The following PCDH15 variants were observed in gnomAD, a reference collection of about 807,000 sequenced individuals.
PCDH15 encodes protocadherin related 15.
A neutral mutation model predicts 178.5 loss-of-function variants in PCDH15; 129 were observed. The observed-to-expected ratio is 0.72, with a 90% confidence interval of 0.63 to 0.84. The LOEUF (loss-of-function observed/expected upper bound fraction) is 0.84. Ranked by LOEUF, PCDH15 falls within the 40% of genes least tolerant of loss-of-function variation. The pLI is 0.00. For missense variants in PCDH15, 2,230 were observed against 2,099.9 expected (o/e 1.06, Z -1.21); for synonymous variants, 800 against 732.0 (o/e 1.09, Z -1.50).
At position 54,962,837 on chromosome 10, in the gene PCDH15, G is replaced by C. The variant is rs138001375; in HGVS notation, c.-79-65337C>G. On this transcript the variant is annotated intron_variant, in intron 2 of 5. Coordinates refer to the PCDH15 transcript ENST00000458638. ...CAAGAACAGCCTGCTGGGCCAAGTG[G>C]GTGGAATGAGCCCAGAAGGCATGAG... Among the ~76,000 whole-genome samples the C allele has an allele frequency of 2.2e-3, 336 of 152,274 alleles. 1 individual carries two copies. The highest frequency in any genetic ancestry group is 7.6e-3 in the African/African-American group (317 of 41,554).
At chr10:54,580,620 C>G (rs75362762) in intron 2 of PCDH15, among the ~76,000 whole-genome samples, 2 of 151,902 alleles carry the variant, frequency 1.3e-5, no homozygotes, top group South Asian at 4.1e-4. Flanking sequence ...ACCCTGATAC[C>G]AAAACCTGGC....
chr10:54,452,042 T>C (rs1222735629), intron 3 of PCDH15, among the ~76,000 whole-genome samples: 1 of 151,942 alleles, frequency 6.6e-6, no homozygotes, highest in Non-Finnish European at 1.5e-5. Flanking sequence ...TTATAATATA[T>C]ATTTCGTATA....
At chr10:55,400,309 T>C (rs1250516509) in intron 2 of PCDH15, among the ~76,000 whole-genome samples, 2 of 152,088 alleles carry the variant, frequency 1.3e-5, no homozygotes, top group Non-Finnish European at 2.9e-5. Flanking sequence ...AGACCAGGAA[T>C]TTCCCCTTCA....
Position 54,346,265 on chromosome 10 carries a change from G to A in PCDH15, c.594+100C>T, listed in dbSNP as rs186189086. The A allele has an allele frequency of 5.1e-5, 57 of 1,123,976 alleles. No homozygotes were observed. The African/African-American group carries it at 7.5e-4, about 15-fold the overall frequency. 69.6% of individuals were successfully genotyped at this position (1,123,976 alleles called of 1,614,324 possible). On this transcript the variant is annotated intron_variant, in intron 6 of 37. Coordinates refer to ENST00000644397, the MANE Select transcript of PCDH15 (RefSeq NM_001384140.1). ...TAAATAATAGTATCATTACTAATCT[G>A]GTTCTGGAAGTTACTGAATAATACA... is the stretch of plus-strand genomic sequence containing the variant.
At chr10:53,985,673 G>A (rs891535602) in intron 21 of PCDH15, among the ~76,000 whole-genome samples, 7 of 151,806 alleles carry the variant, frequency 4.6e-5, no homozygotes, top group African/African-American at 1.7e-4. Context: ...AAATTGTCAT[G>A]GTCATGTTTC....
intron 3 of PCDH15, among the ~76,000 whole-genome samples, chr10:54,455,401 C>T (rs530062675): frequency 2.2e-4 from 33 of 152,172 alleles, no homozygotes; most frequent in Middle Eastern, 3.4e-3. Flanking sequence ...ATGTGTTGAA[C>T]GGTTTTGACC....
intron 3 of PCDH15, among the ~76,000 whole-genome samples, chr10:54,856,294 G>A (rs1022968371): frequency 2.0e-5 from 3 of 152,080 alleles, no homozygotes; most frequent in Non-Finnish European, 4.4e-5. Context: ...GGGGCAGGAG[G>A]AACTGGGGCA....
intron 3 of PCDH15, among the ~76,000 whole-genome samples, chr10:54,848,579 T>G (rs1333622003): frequency 1.3e-5 from 2 of 152,012 alleles, no homozygotes; most frequent in African/African-American, 4.8e-5. Flanking sequence ...TGATGCCTCC[T>G]CCATCTTGGA....
intron 1 of PCDH15, among the ~76,000 whole-genome samples, chr10:55,243,222 T>G (rs758377948): frequency 1.5e-4 from 23 of 152,312 alleles, no homozygotes; most frequent in Middle Eastern, 3.4e-3. Flanking sequence ...TCCATTGAAC[T>G]CTGCACAGCT....
intron 1 of PCDH15, among the ~76,000 whole-genome samples, chr10:55,189,472 T>G (rs933220787): frequency 6.6e-6 from 1 of 151,826 alleles, no homozygotes; most frequent in African/African-American, 2.4e-5. Flanking sequence ...AATAACCTCA[T>G]GTTTTTGTGA....
rs34830502 is a variant in PCDH15, at chr10:54,848,382, CAAAAA to C, written c.-29+49063_-29+49067del. Among the ~76,000 whole-genome samples the C allele has an allele frequency of 4.5e-4, 38 of 85,164 alleles. 2 individuals carry two copies. Among genetic ancestry groups the C allele is most frequent in the East Asian group, 3.0e-3 (11 of 3,686 alleles). 55.9% of individuals were successfully genotyped at this position (85,164 alleles called of 152,430 possible). A position where few individuals can be genotyped will look rare whatever the true frequency, so the allele number is the denominator to read the frequency against. On this transcript the variant is annotated intron_variant, in intron 3 of 5. Transcript: ENST00000458638. ...GGGCAACAAGAGCAAAACTCCATCTCAAAAAAAAAAAAAAAAAAAAAGCTAATTAA... is the reference window on the plus strand; with the variant it reads ...GGGCAACAAGAGCAAAACTCCATCTCAAAAAAAAAAAAAAAAGCTAATTAA...
intron 1 of PCDH15, among the ~76,000 whole-genome samples, chr10:55,247,454 C>T (rs567779952): frequency 6.6e-6 from 1 of 152,242 alleles, no homozygotes; most frequent in African/African-American, 2.4e-5. Flanking sequence ...CTGCAAAGAA[C>T]ATTTAAGAGA....
At chr10:54,719,167 A>T (rs1228745757) in intron 1 of PCDH15, among the ~76,000 whole-genome samples, 1 of 152,108 alleles carries the variant, frequency 6.6e-6, no homozygotes. Context: ...GATATCATTA[A>T]AAAACAAACA....
At chr10:54,645,360 A>C (rs2094107898) in intron 2 of PCDH15, among the ~76,000 whole-genome samples, 2 of 152,192 alleles carry the variant, frequency 1.3e-5, no homozygotes, top group South Asian at 2.1e-4. Context: ...TGAGAATAGA[A>C]GAGACTTGAA....
At chr10:54,714,394 CA>C (rs1411284478) in intron 1 of PCDH15, among the ~76,000 whole-genome samples, 1 of 152,090 alleles carries the variant, frequency 6.6e-6, no homozygotes, top group African/African-American at 2.4e-5. Context: ...TGTCCAGTCG[CA>C]ATGTATAGGT....
At chr10:54,973,939 T>C (rs997243614) in intron 2 of PCDH15, among the ~76,000 whole-genome samples, 8 of 152,048 alleles carry the variant, frequency 5.3e-5, no homozygotes, top group African/African-American at 1.9e-4. Flanking sequence ...TAGATAAGTA[T>C]ACTACTTGTG....
intron 2 of PCDH15, among the ~76,000 whole-genome samples, chr10:55,037,377 G>A (rs1009161454): frequency 1.3e-5 from 2 of 152,062 alleles, no homozygotes; most frequent in African/African-American, 4.8e-5. Context: ...GGGATTACAG[G>A]CGCCGGCTAC....
At chr10:55,164,221 T>A (rs1311920159) in intron 2 of PCDH15, among the ~76,000 whole-genome samples, 2 of 152,066 alleles carry the variant, frequency 1.3e-5, no homozygotes, top group African/African-American at 4.8e-5. Context: ...AGTACTTGAG[T>A]ACAGATACTA....
chr10:55,225,897 G>A (rs1841022796), intron 1 of PCDH15, among the ~76,000 whole-genome samples: 1 of 151,944 alleles, frequency 6.6e-6, no homozygotes, highest in Non-Finnish European at 1.5e-5. Context: ...TGGGGACCGT[G>A]GGTACAGCAA....
Sources: gnomAD v4.1 joint callset for allele counts (sites outside exome capture counted in the v4.1 genomes callset) on GRCh38, gnomAD v4.1.1 for gene constraint, MANE v1.5 for transcripts, NCBI Gene and HGNC (gene_info 2026-07-23, HGNC 2026-07-21) for gene names.